ELMOD3: variants seen among roughly 807,000 people sequenced by gnomAD.
ELMOD3 encodes ELMO domain-containing protein 3.
In ELMOD3, 36 loss-of-function variants were observed where a neutral mutation model predicts 47.4. The observed-to-expected ratio is 0.76, with a 90% CI of 0.58 to 1.00. ELMOD3 has a LOEUF of 1.00. Ranked by LOEUF, ELMOD3 falls within the 50% of genes least tolerant of loss-of-function variation. The probability of loss-of-function intolerance (pLI) is 0.00; values close to 1 mark genes in which losing one functional copy is unlikely to be tolerated. For synonymous variants in ELMOD3, 149 were observed against 183.5 expected, an observed-to-expected ratio of 0.81 and a Z score of 1.52; for missense variants, 404 against 463.8, an observed-to-expected ratio of 0.87 and a Z score of 1.18.
At chr2:85,365,657 GA>G (rs1310456530) in intron 6 of ELMOD3, among the ~76,000 whole-genome samples, 5 of 152,140 alleles carry the variant, frequency 3.3e-5, no homozygotes, top group Non-Finnish European at 7.4e-5. Flanking sequence ...CATTTGTGTT[GA>G]GGTTTTAAGC....
Position 85,377,424 on chromosome 2 carries a change from A to G in ELMOD3, c.688A>G (p.Thr230Ala). 1 of 1,610,692 alleles carries G rather than the reference A, an allele frequency of 6.2e-7. No individual in the cohort carries two copies. The highest frequency in any genetic ancestry group is 8.5e-7 in the Non-Finnish European group (1 of 1,178,436). Reference protein sequence around the residue: ...HLLYLVMDSKTLPMAQEIFRL... With the variant: ...HLLYLVMDSKALPMAQEIFRL... Reference sequence around the variant, plus strand: ...GCTCTACCTGGTGATGGACTCAAAGACCTTGCCGATGGCGCAGGAGATTTT... The same window carrying G: ...GCTCTACCTGGTGATGGACTCAAAGGCCTTGCCGATGGCGCAGGAGATTTT... The change falls in exon 11 of 14, where the codon ACC becomes GCC. Residue 230 changes from threonine to alanine, a missense_variant. Thr to Ala is a moderately conservative substitution (Grantham distance 58, BLOSUM62 0). Transcript: ENST00000409013.
chr2:85,372,967 C>CT (rs1259377912), intron 10 of ELMOD3: 2 of 147,326 alleles, frequency 1.4e-5, no homozygotes. Flanking sequence ...TGAAAGGAAA[C>CT]TTTAAGGCCG....
chr2:85,390,716 A>C, intron 13 of ELMOD3, 44 bp from the exon 14 acceptor site: 1 of 1,545,486 alleles, frequency 6.5e-7, no homozygotes, highest in Non-Finnish European at 8.7e-7. Flanking sequence ...TGTGTCACCC[A>C]GAGCCCCCTC....
intron 6 of ELMOD3, among the ~76,000 whole-genome samples, chr2:85,363,861 A>G (rs1402970276): frequency 3.3e-5 from 5 of 152,322 alleles, no homozygotes; most frequent in East Asian, 1.9e-4. Flanking sequence ...CCATGATTCA[A>G]TTATGTCCCA....
chr2:85,379,188 A>G (rs7558094), intron 11 of ELMOD3, among the ~76,000 whole-genome samples: 14,158 of 152,226 alleles, frequency 0.093, 699 homozygotes, highest in South Asian at 0.16. Flanking sequence ...AGAAATTTAA[A>G]ACATTATTTT....
intron 11 of ELMOD3, among the ~76,000 whole-genome samples, chr2:85,386,842 A>G (rs898157582): frequency 6.6e-6 from 1 of 152,148 alleles, no homozygotes; most frequent in Non-Finnish European, 1.5e-5. Context: ...TGTCTCTACT[A>G]AAAATACAAA....
At chr2:85,364,821 ATATATT>A (rs1385271674) in intron 6 of ELMOD3, among the ~76,000 whole-genome samples, 1 of 89,220 alleles carries the variant, frequency 1.1e-5, no homozygotes, top group Non-Finnish European at 2.1e-5. Flanking sequence ...ATATATATAT[ATATATT>A]TTTTTTTTTT....
intron 11 of ELMOD3, among the ~76,000 whole-genome samples, chr2:85,382,575 G>A (rs1212920313): frequency 6.6e-6 from 1 of 151,268 alleles, no homozygotes; most frequent in South Asian, 2.1e-4. Flanking sequence ...GAGTGCAGTG[G>A]CGCAATCTTG....
chr2:85,375,254 T>C (rs1685088557), intron 10 of ELMOD3, among the ~76,000 whole-genome samples: 1 of 152,220 alleles, frequency 6.6e-6, no homozygotes, highest in South Asian at 2.1e-4. Flanking sequence ...TTCCTTTGAA[T>C]ACTTTCTTCA....
chr2:85,358,381 A>G (rs1466440841), intron 4 of ELMOD3, among the ~76,000 whole-genome samples: 1 of 152,058 alleles, frequency 6.6e-6, no homozygotes, highest in Admixed American at 6.6e-5. Flanking sequence ...TACTGGACTT[A>G]GAGGTGTGAG....
intron 11 of ELMOD3, among the ~76,000 whole-genome samples, chr2:85,385,456 G>A (rs1685859633): frequency 6.6e-6 from 1 of 152,170 alleles, no homozygotes; most frequent in Non-Finnish European, 1.5e-5. Context: ...AGGGGTGGGG[G>A]TCACAGTGCT....
intron 10 of ELMOD3, among the ~76,000 whole-genome samples, chr2:85,373,232 C>T (rs946183895): frequency 3.9e-5 from 6 of 151,918 alleles, no homozygotes; most frequent in Non-Finnish European, 8.8e-5. Context: ...GCCTGAGTGA[C>T]ACAACAAGAC....
At chr2:85,386,035 A>C (rs889442699) in intron 11 of ELMOD3, among the ~76,000 whole-genome samples, 5 of 152,158 alleles carry the variant, frequency 3.3e-5, no homozygotes, top group African/African-American at 1.2e-4. Flanking sequence ...GCACACCCTG[A>C]AAAGTCACAT....
At chr2:85,359,750 T>G (rs1683817690) in intron 4 of ELMOD3, among the ~76,000 whole-genome samples, 1 of 152,084 alleles carries the variant, frequency 6.6e-6, no homozygotes, top group African/African-American at 2.4e-5. Flanking sequence ...GTTTTGCTTT[T>G]TTTTGTTTTG....
intron 11 of ELMOD3, among the ~76,000 whole-genome samples, chr2:85,389,014 GC>G (rs912024958): frequency 5.3e-5 from 8 of 152,328 alleles, no homozygotes; most frequent in Admixed American, 4.6e-4. Context: ...TGAAAAAAAG[GC>G]CCTTTCCATT....
intron 6 of ELMOD3, among the ~76,000 whole-genome samples, chr2:85,365,640 G>A (rs932557928): frequency 6.6e-6 from 1 of 152,196 alleles, no homozygotes; most frequent in Non-Finnish European, 1.5e-5. Flanking sequence ...CTCTTACGTG[G>A]TTTGGGCATT....
rs1012141940 is a variant in ELMOD3 at position 85,376,281 on chromosome 2, G to A, written c.608-1063G>A. ...TTTTATTGTATCTTAGACATTTTGG[G>A]TAGTCTGTATGAGACTCTGGATCTT... On this transcript the variant is annotated intron_variant, in intron 10 of 13. Coordinates refer to ENST00000409013, the MANE Select transcript of ELMOD3 (RefSeq NM_001135022.2). The surrounding 1 kb of genome is among the most constrained non-coding windows in gnomAD (Gnocchi z 4.2). 1.1e-4 allele frequency among the ~76,000 whole-genome samples: 17 copies of A among 152,248 alleles called. No homozygotes were observed. Among genetic ancestry groups the A allele is most frequent in the Admixed American group, 2.6e-4 (4 of 15,292 alleles).
chr2:85,387,239 C>T lies in ELMOD3; in HGVS notation c.739-2512C>T, dbSNP rs115166520. On this transcript the variant is annotated intron_variant, in intron 11 of 13. Coordinates refer to ENST00000409013, the MANE Select transcript of ELMOD3 (RefSeq NM_001135022.2). ...ACCCATGTTGAGGCAAGTATAATAA[C>T]GACGAACATTTGTTAATACCTACTT... The T allele has an allele frequency of 8.6e-5, 99 of 1,153,202 alleles. No homozygotes were observed. The African/African-American group carries it at 1.5e-3, about 18-fold the overall frequency. 71.4% of individuals were successfully genotyped at this position (1,153,202 alleles called of 1,614,324 possible). A position where few individuals can be genotyped will look rare whatever the true frequency, so the allele number is the denominator to read the frequency against.
intron 11 of ELMOD3, among the ~76,000 whole-genome samples, chr2:85,382,848 G>A (rs934330910): frequency 1.3e-5 from 2 of 151,468 alleles, no homozygotes; most frequent in Admixed American, 1.3e-4. Flanking sequence ...AAAGATACAC[G>A]GATGTAATAA....
Sources: allele counts gnomAD v4.1 joint callset (sites outside exome capture counted in the v4.1 genomes callset), GRCh38; gene constraint gnomAD v4.1.1; non-coding constraint Gnocchi (gnomAD v3.1); transcripts MANE v1.5; gene names NCBI Gene and HGNC (gene_info 2026-07-23, HGNC 2026-07-21).